Variants in KLHL13 observed in about 807,000 individuals in gnomAD.
KLHL13 encodes the protein kelch-like protein 13.
Under a neutral mutation model 37.1 loss-of-function variants are expected in KLHL13, and 10 were observed. The observed-to-expected ratio is 0.27, with a 90% confidence interval of 0.17 to 0.46. KLHL13 has a LOEUF of 0.46. Ranked by LOEUF, KLHL13 falls within the 20% of genes least tolerant of loss-of-function variation. The pLI, the probability that KLHL13 is intolerant of heterozygous loss-of-function variation, is 1.00. For synonymous variants in KLHL13, 163 were observed against 181.2 expected, an observed-to-expected ratio of 0.90 and a Z score of 0.81; for missense variants, 360 against 509.3, an observed-to-expected ratio of 0.71 and a Z score of 2.82.
intron 2 of KLHL13, among the ~76,000 whole-genome samples, chrX:117,936,109 T>A (rs888823711): frequency 9.0e-6 from 1 of 111,553 alleles, no homozygotes; most frequent in African/African-American, 3.3e-5. Context: ...CAACCTGGAA[T>A]AATAGGGAGA....
intron 1 of KLHL13, among the ~76,000 whole-genome samples, chrX:118,068,969 T>A (rs1453240782): frequency 3.6e-5 from 4 of 110,669 alleles, no homozygotes; most frequent in African/African-American, 1.3e-4. Flanking sequence ...ACCCATACTT[T>A]GGCAGAACAG....
chrX:118,035,098 C>T (rs938961678), intron 1 of KLHL13, among the ~76,000 whole-genome samples: 10 of 102,919 alleles, frequency 9.7e-5, no homozygotes, highest in Non-Finnish European at 1.5e-4. Context: ...TGGCAATAAT[C>T]AATGGTTTAC....
At chrX:117,972,824 G>A (rs1287451965) in exon 1 of KLHL13, 5 of 1,210,201 alleles carry the variant, frequency 4.1e-6, no homozygotes, top group Non-Finnish European at 5.6e-6. Context: ...CCATTTCAAT[G>A]GCATGTTGTC....
intron 5 of KLHL13, among the ~76,000 whole-genome samples, chrX:117,908,457 T>C (rs1159280130): frequency 9.2e-6 from 1 of 109,289 alleles, no homozygotes; most frequent in African/African-American, 3.3e-5. Context: ...ACTCTATTTA[T>C]AATAGAGAAT....
intron 1 of KLHL13, among the ~76,000 whole-genome samples, chrX:118,059,591 A>G (rs1275854722): frequency 1.8e-5 from 2 of 111,882 alleles, no homozygotes; most frequent in African/African-American, 6.5e-5. Context: ...TACAAATTTT[A>G]TCTAAACCTT....
chrX:118,015,508 A>C (rs1412179007), intron 1 of KLHL13, among the ~76,000 whole-genome samples: 1 of 111,136 alleles, frequency 9.0e-6, no homozygotes. Flanking sequence ...GACTGAAATA[A>C]TTGCGGTAGA....
intron 4 of KLHL13, among the ~76,000 whole-genome samples, chrX:117,914,821 T>C (rs960825062): frequency 1.8e-5 from 2 of 112,638 alleles, no homozygotes; most frequent in Non-Finnish European, 3.7e-5. Context: ...GTTATTACAA[T>C]GGCTTTTGTG....
At chrX:118,111,495 T>C (rs769982540) in intron 1 of KLHL13, among the ~76,000 whole-genome samples, 1 of 112,838 alleles carries the variant, frequency 8.9e-6, no homozygotes, top group Non-Finnish European at 1.9e-5. Context: ...AGGTGGTTCA[T>C]GCCTGCAATC....
chrX:118,106,628 T>C (rs1044550068), intron 1 of KLHL13, among the ~76,000 whole-genome samples: 3 of 111,679 alleles, frequency 2.7e-5, no homozygotes, highest in Non-Finnish European at 5.6e-5. Flanking sequence ...ATATACAGTA[T>C]ATGACCAATA....
At chrX:117,955,245 T>C (rs750291470) in intron 1 of KLHL13, among the ~76,000 whole-genome samples, 7 of 111,968 alleles carry the variant, frequency 6.3e-5, no homozygotes, top group Admixed American at 4.7e-4. Context: ...GAAAATCCTA[T>C]CCTTTCCTGA....
rs1416672385 is a variant in KLHL13, at chrX:117,941,158, T to G, written c.240+4276A>C. Among the ~76,000 whole-genome samples the G allele has an allele frequency of 3.6e-5, 4 of 111,890 alleles. No individual in the cohort carries two copies. In the East Asian group the frequency reaches 8.4e-4, roughly 23 times the overall value. On this transcript the variant is annotated intron_variant, in intron 2 of 6. Transcript: ENST00000262820. ...ATTGAGAGTTTTTAGGATGAAGGTG[T>G]GTTGAATTTTGTCAAAGGCCTTTTC...
At position 118,062,576 on chromosome X, in the gene KLHL13, A is replaced by G. The variant is rs2054753640; in HGVS notation, c.-56+53932T>C. ...AAAAAAGAAGTAGGTACAAGCATTC[A>G]CTACTTCACTACATCTTCTAGTACA... On this transcript the variant is annotated intron_variant, in intron 1 of 6. Transcript: ENST00000371882. Among the ~76,000 whole-genome samples the G allele has an allele frequency of 2.7e-5, 3 of 110,779 alleles. No homozygotes were observed. The South Asian group carries it at 1.1e-3, about 42-fold the overall frequency.
chrX:118,011,418 T>G (rs1353857318), intron 1 of KLHL13, among the ~76,000 whole-genome samples: 1 of 107,728 alleles, frequency 9.3e-6, no homozygotes, highest in African/African-American at 3.4e-5. Flanking sequence ...GAAAGATCAT[T>G]ATGGCTGCAA....
At chrX:117,909,618 C>G (rs1242060726) in exon 5 of KLHL13, 1 of 1,211,672 alleles carries the variant, frequency 8.3e-7, no homozygotes, top group Admixed American at 2.2e-5. Context: ...CAGCTGCTGC[C>G]TCAGCACTCC....
At chrX:117,975,141 G>A (rs926309743), upstream of KLHL13, among the ~76,000 whole-genome samples, 2 of 109,089 alleles carry the variant, frequency 1.8e-5, no homozygotes, top group Non-Finnish European at 3.8e-5. Flanking sequence ...AATCAGCAGG[G>A]GCAACTTGTT....
At chrX:117,906,758 T>C (rs193211032) in intron 5 of KLHL13, among the ~76,000 whole-genome samples, 1 of 111,652 alleles carries the variant, frequency 9.0e-6, no homozygotes, top group African/African-American at 3.2e-5. Context: ...TACAAAAGTT[T>C]AGCTACTTAT....
At chrX:118,043,702 A>G (rs2054529651) in intron 1 of KLHL13, among the ~76,000 whole-genome samples, 1 of 112,003 alleles carries the variant, frequency 8.9e-6, no homozygotes, top group African/African-American at 3.2e-5. Context: ...TCATGATAAA[A>G]AGAAAACCCT....
chrX:118,082,694 C>T (rs1052113138), intron 1 of KLHL13, among the ~76,000 whole-genome samples: 4 of 111,692 alleles, frequency 3.6e-5, no homozygotes, highest in Non-Finnish European at 5.7e-5. Flanking sequence ...TTTCATAAAG[C>T]ACTTCCCCTA....
chrX:117,985,126 T>C, intron 1 of KLHL13: 1 of 477,078 alleles, frequency 2.1e-6, no homozygotes, highest in Non-Finnish European at 3.3e-6. Flanking sequence ...AATTCTACAA[T>C]ACATCTAAAA....
Sources: gnomAD v4.1 joint callset for allele counts (sites outside exome capture counted in the v4.1 genomes callset) on GRCh38, gnomAD v4.1.1 for gene constraint, MANE v1.5 for transcripts, NCBI Gene and HGNC (gene_info 2026-07-23, HGNC 2026-07-21) for gene names.